The following CLPB variants were observed in gnomAD, a reference collection of about 807,000 sequenced individuals.
The protein encoded by CLPB is mitochondrial disaggregase.
A neutral mutation model predicts 78.4 loss-of-function variants in CLPB; 40 were observed. That is an observed-to-expected ratio of 0.51 (90% CI 0.40 to 0.66). The LOEUF is 0.66. Ranked by LOEUF, CLPB falls within the 30% of genes least tolerant of loss-of-function variation. The pLI, the probability that CLPB is intolerant of heterozygous loss-of-function variation, is 0.00. For missense variants in CLPB, 780 were observed against 886.9 expected (o/e 0.88, Z 1.53); for synonymous variants, 333 against 348.0 (o/e 0.96, Z 0.48).
chr11:72,346,501 T>C (rs1268353473), intron 5 of CLPB, among the ~76,000 whole-genome samples: 2 of 150,978 alleles, frequency 1.3e-5, no homozygotes, highest in Non-Finnish European at 2.9e-5. Flanking sequence ...CCTCAAGAAA[T>C]AGCTGATTTC....
chr11:72,368,979 G>A (rs79848404), intron 4 of CLPB, among the ~76,000 whole-genome samples: 2,258 of 152,168 alleles, frequency 0.015, 48 homozygotes, highest in East Asian at 0.096. Flanking sequence ...TTAAAGACTG[G>A]GTCAACACTT....
rs147955210 is a variant in CLPB, at chr11:72,409,069, G to C, written c.456-6017C>G. Reference sequence around the variant, plus strand: ...GTTAGGATTCCATCATCCCTGAGATGATGAGTAGAATGCTTAATTCAGGCT... The same window carrying C: ...GTTAGGATTCCATCATCCCTGAGATCATGAGTAGAATGCTTAATTCAGGCT... On this transcript the variant is annotated intron_variant, in intron 2 of 15. Transcript: ENST00000538039. Among the ~76,000 whole-genome samples the C allele has an allele frequency of 2.0e-3, 302 of 152,352 alleles. 2 individuals are homozygous for C. Among genetic ancestry groups the C allele is most frequent in the African/African-American group, 6.9e-3 (287 of 41,574 alleles).
chr11:72,289,383 A>T lies in CLPB; in HGVS notation c.*3984T>A, dbSNP rs1265049849. 2.0e-5 allele frequency: 3 copies of T among 152,164 alleles called. No homozygotes were observed. Among genetic ancestry groups the T allele is most frequent in the African/African-American group, 7.2e-5 (3 of 41,438 alleles). 9.4% of individuals were successfully genotyped at this position (152,164 alleles called of 1,614,324 possible). Reference sequence around the variant, plus strand: ...GGCATAAGACCTCTATCTAGTAGGAATACTGCACACAGGCTGGTTACTAGC... The same window carrying T: ...GGCATAAGACCTCTATCTAGTAGGATTACTGCACACAGGCTGGTTACTAGC... On this transcript the variant is annotated 3_prime_UTR_variant, in exon 16 of 16. Coordinates refer to ENST00000538039, the MANE Select transcript of CLPB (RefSeq NM_001258392.3).
chr11:72,305,140 C>G (rs978559743), intron 9 of CLPB, among the ~76,000 whole-genome samples: 3 of 152,186 alleles, frequency 2.0e-5, no homozygotes, highest in African/African-American at 7.2e-5. Context: ...TGGGGACACA[C>G]TGGCAAGTTT....
chr11:72,374,135 C>G lies in CLPB; in HGVS notation c.646+6146G>C, dbSNP rs188301368. Among the ~76,000 whole-genome samples the G allele has an allele frequency of 1.3e-4, 20 of 152,182 alleles. No individual in the cohort carries two copies. In the East Asian group the frequency reaches 3.7e-3, roughly 28 times the overall value. Reference sequence around the variant, plus strand: ...GGGCAGACATCTCAGCTGTTAGTACCCCTTGAGTGGTGAGTTGCTCAATAC... The same window carrying G: ...GGGCAGACATCTCAGCTGTTAGTACGCCTTGAGTGGTGAGTTGCTCAATAC... On this transcript the variant is annotated intron_variant, in intron 4 of 15. Coordinates refer to ENST00000538039, the MANE Select transcript of CLPB (RefSeq NM_001258392.3).
intron 2 of CLPB, among the ~76,000 whole-genome samples, chr11:72,417,824 C>T (rs562076168): frequency 1.3e-5 from 2 of 152,218 alleles, no homozygotes; most frequent in African/African-American, 4.8e-5. Flanking sequence ...TGACTGAGCC[C>T]CTGATGTGTC....
At chr11:72,350,367 G>T (rs576616512) in intron 5 of CLPB, among the ~76,000 whole-genome samples, 3 of 152,248 alleles carry the variant, frequency 2.0e-5, no homozygotes, top group African/African-American at 7.2e-5. Flanking sequence ...TTGAGTCTCA[G>T]TGTAAATGCC....
At chr11:72,380,185 C>T in intron 4 of CLPB, 96 bp downstream of exon 4, 1 of 904,622 alleles carries the variant, frequency 1.1e-6, no homozygotes, top group Non-Finnish European at 1.8e-6. Context: ...TGCAGGCTGT[C>T]ACTCTGAGTT....
intron 3 of CLPB, among the ~76,000 whole-genome samples, chr11:72,402,268 C>T (rs996558850): frequency 6.6e-6 from 1 of 150,976 alleles, no homozygotes; most frequent in Non-Finnish European, 1.5e-5. Flanking sequence ...CTCAAAAAAA[C>T]CCCAAAACCC....
intron 5 of CLPB, among the ~76,000 whole-genome samples, chr11:72,351,190 G>T (rs1950608074): frequency 6.6e-6 from 1 of 152,194 alleles, no homozygotes; most frequent in African/African-American, 2.4e-5. Context: ...GTTAGAGAAG[G>T]GTGAGATGTG....
chr11:72,311,588 A>G (rs1193417201), intron 7 of CLPB, among the ~76,000 whole-genome samples: 1 of 152,186 alleles, frequency 6.6e-6, no homozygotes, highest in East Asian at 1.9e-4. Context: ...ATGGGAGCTT[A>G]GAGGAAGGTC....
chr11:72,317,913 GC>G (rs2135529225), intron 6 of CLPB, among the ~76,000 whole-genome samples: 1 of 152,342 alleles, frequency 6.6e-6, no homozygotes, highest in African/African-American at 2.4e-5. Context: ...AGAAGCCTAA[GC>G]TTGGTTGCCC....
intron 4 of CLPB, among the ~76,000 whole-genome samples, chr11:72,373,323 C>T (rs1313335575): frequency 6.6e-6 from 1 of 152,196 alleles, no homozygotes; most frequent in Non-Finnish European, 1.5e-5. Flanking sequence ...ATGTTTATAA[C>T]AGTTACTTAT....
intron 6 of CLPB, among the ~76,000 whole-genome samples, chr11:72,326,242 G>A (rs2135544350): frequency 6.6e-6 from 1 of 152,238 alleles, no homozygotes; most frequent in East Asian, 1.9e-4. Context: ...AGGAGGGCTA[G>A]AGTCTTTGAA....
At chr11:72,431,679 G>A (rs1485817397) in intron 1 of CLPB, among the ~76,000 whole-genome samples, 1 of 152,088 alleles carries the variant, frequency 6.6e-6, no homozygotes, top group African/African-American at 2.4e-5. Flanking sequence ...GCCTTCCTTA[G>A]AGATGGCTAT....
chr11:72,423,222 T>G (rs1856262783), intron 2 of CLPB, among the ~76,000 whole-genome samples: 1 of 152,174 alleles, frequency 6.6e-6, no homozygotes, highest in East Asian at 1.9e-4. Context: ...AGTGCCTAAA[T>G]GACATTTCCA....
intron 3 of CLPB, among the ~76,000 whole-genome samples, chr11:72,393,762 AGTATT>A (rs1440952953): frequency 2.6e-5 from 4 of 152,214 alleles, no homozygotes; most frequent in Admixed American, 6.5e-5. Flanking sequence ...CTTTACTTTT[AGTATT>A]GCTAAGTTTT....
chr11:72,286,319 C>G lies in CLPB; in HGVS notation c.*7048G>C, dbSNP rs1949390578. On this transcript the variant is annotated 3_prime_UTR_variant, in exon 16 of 16. Transcript: ENST00000538039. ...GATCATAGCTCACTGTAACCTCATA[C>G]TCCTAGACTCAAGGAATCTTCCACC... 1 of 146,430 alleles carries G rather than the reference C, an allele frequency of 6.8e-6. No individual in the cohort carries two copies. Among genetic ancestry groups the G allele is most frequent in the Non-Finnish European group, 1.5e-5 (1 of 67,020 alleles). 9.1% of individuals were successfully genotyped at this position (146,430 alleles called of 1,614,324 possible).
chr11:72,294,638 C>T lies in CLPB; in HGVS notation c.1542G>A (p.Val514=), dbSNP rs935570035. Residue 514 remains valine, a synonymous_variant, in exon 13 of 16, where the codon GTG becomes GTA. Transcript: ENST00000538039. ...ITISKNFKEN[V]IRPILKAHFR... is the part of the protein sequence containing the mutation. ...CTCTTACTTTCAGGATAGGGCGAAT[C>T]ACATTCTCCTTGAAGTTCTTTGAGA... is the stretch of plus-strand genomic sequence containing the variant. The T allele has an allele frequency of 1.7e-5, 28 of 1,614,028 alleles. 1 individual carries two copies. The highest frequency in any genetic ancestry group is 2.1e-5 in the Non-Finnish European group (25 of 1,179,950).
Sources: allele counts gnomAD v4.1 joint callset (sites outside exome capture counted in the v4.1 genomes callset), GRCh38; gene constraint gnomAD v4.1.1; transcripts MANE v1.5; gene names NCBI Gene and HGNC (gene_info 2026-07-23, HGNC 2026-07-21).